The following MAP3K19 variants were observed in gnomAD, a reference collection of about 807,000 sequenced individuals.
MAP3K19 encodes the protein mitogen-activated protein kinase kinase kinase 19.
MAP3K19 carries 91 observed loss-of-function variants against 114.4 expected under a neutral mutation model. That is an observed-to-expected ratio of 0.80 (90% CI 0.67 to 0.95). The LOEUF (loss-of-function observed/expected upper bound fraction) is 0.95. Among genes scored for constraint, MAP3K19 ranks in the 40% least tolerant of loss-of-function variants. MAP3K19 has a pLI of 0.00. For synonymous variants in MAP3K19, 518 were observed against 530.5 expected (o/e 0.98, Z 0.32); for missense variants, 1,471 against 1,573.2 (o/e 0.94, Z 1.10).
At chr2:135,000,900 G>A (rs971392317) in intron 6 of MAP3K19, among the ~76,000 whole-genome samples, 2 of 152,150 alleles carry the variant, frequency 1.3e-5, no homozygotes, top group African/African-American at 4.8e-5. Flanking sequence ...AAGGAGTATC[G>A]CAGGGAGGAT....
At chr2:135,012,084 T>C (rs1412028545) in intron 5 of MAP3K19, among the ~76,000 whole-genome samples, 8 of 152,226 alleles carry the variant, frequency 5.3e-5, no homozygotes, top group Non-Finnish European at 8.8e-5. Context: ...TACTATATAA[T>C]ATTAGTAACC....
rs1482733324 is a variant in MAP3K19 at position 134,987,426 on chromosome 2, C to A, written c.1446G>T (p.Val482=). ...CAGGGAAGGTGATGTGGATAAGAGG[C>A]ACCATCCTACTCATTTCTGGTTTGG... ...ERAKPEMSRM[V]PLIHITFPVD... Residue 482 remains valine (V), a synonymous_variant, in exon 10 of 13, where the codon GTG becomes GTT. Coordinates refer to ENST00000392915, the MANE Select transcript of MAP3K19 (RefSeq NM_025052.5). 3.7e-6 allele frequency: 6 copies of A among 1,614,148 alleles called. No homozygotes were observed. Among genetic ancestry groups the A allele is most frequent in the Non-Finnish European group, 5.1e-6 (6 of 1,180,028 alleles).
Position 134,998,883 on chromosome 2 carries a change from CA to C in MAP3K19, c.428del (p.Leu143CysfsTer13). ...GCTCCCTGGAACTTTCCTCTTTTTG[CA>C]AAACTAAGGGCCGCATGGTCAGCTT... ...KKKLTMRPLV[L>X]QKEESSRELC... On this transcript the variant is annotated frameshift_variant, in exon 8 of 13. Coordinates refer to ENST00000392915, the MANE Select transcript of MAP3K19 (RefSeq NM_025052.5). LOFTEE classifies it high-confidence loss of function. The C allele has an allele frequency of 6.2e-7, 1 of 1,614,132 alleles. No homozygotes were observed. Among genetic ancestry groups the C allele is most frequent in the Non-Finnish European group, 8.5e-7 (1 of 1,180,022 alleles).
intron 2 of MAP3K19, among the ~76,000 whole-genome samples, chr2:135,031,799 C>T (rs1173565292): frequency 6.6e-6 from 1 of 152,180 alleles, no homozygotes; most frequent in Non-Finnish European, 1.5e-5. Context: ...ATTAACAAAA[C>T]ATAGCCATTT....
chr2:134,991,737 T>G (rs992019284), intron 8 of MAP3K19, among the ~76,000 whole-genome samples, 157 bp from the exon 9 acceptor site: 3 of 152,212 alleles, frequency 2.0e-5, no homozygotes, highest in Non-Finnish European at 4.4e-5. Flanking sequence ...AGAGGTGGAA[T>G]CATCACACAA....
At chr2:135,014,388 G>T (rs755967187) in intron 5 of MAP3K19, among the ~76,000 whole-genome samples, 3 of 151,892 alleles carry the variant, frequency 2.0e-5, no homozygotes, top group South Asian at 2.1e-4. Context: ...AAAAAAAAAG[G>T]CATGTTGTCC....
chr2:134,995,911 A>T (rs1048197301), intron 8 of MAP3K19, among the ~76,000 whole-genome samples: 1 of 152,100 alleles, frequency 6.6e-6, no homozygotes, highest in African/African-American at 2.4e-5. Context: ...ATTTAGCAAT[A>T]TGAAAGTACA....
At chr2:134,967,280 A>G (rs1192768810) in intron 12 of MAP3K19, among the ~76,000 whole-genome samples, 1 of 152,168 alleles carries the variant, frequency 6.6e-6, no homozygotes, top group African/African-American at 2.4e-5. Flanking sequence ...TCCCCATGTG[A>G]TAGTCTGAAA....
Position 135,021,775 on chromosome 2 carries a change from A to T in MAP3K19, c.78T>A (p.Thr26=). 1.9e-6 allele frequency: 3 copies of T among 1,612,956 alleles called. No homozygotes were observed. The highest frequency in any genetic ancestry group is 2.5e-6 in the Non-Finnish European group (3 of 1,179,656). ...GATTTTTGGTAACTGTCATCAAATC[A>T]GTTGGAGAAGAGTTTGTATCATGAC... ...DICHDTNSSP[T]DLMTVTKNQN... is the part of the protein sequence containing the mutation. The change falls in exon 5 of 13, where the codon ACT becomes ACA. Residue 26 remains threonine (T), a synonymous_variant. Coordinates refer to ENST00000392915, the MANE Select transcript of MAP3K19 (RefSeq NM_025052.5).
intron 8 of MAP3K19, among the ~76,000 whole-genome samples, chr2:134,994,624 T>C (rs1286901932): frequency 6.6e-6 from 1 of 152,190 alleles, no homozygotes; most frequent in East Asian, 1.9e-4. Flanking sequence ...TCTCATAACC[T>C]ACAGGCAGGT....
In MAP3K19 at chr2:135,037,250, G is replaced by A. The variant is rs370017190; in HGVS notation, c.-284+3113C>T. On this transcript the variant is annotated intron_variant, in intron 2 of 12. Coordinates refer to ENST00000392915, the MANE Select transcript of MAP3K19 (RefSeq NM_025052.5). ...TGACCTTAGGTGATCCACCTGCCTC[G>A]GCCTCCCAAAGTGCTGGGATTACAG... Among the ~76,000 whole-genome samples, 5 of 152,274 alleles carry A rather than the reference G, an allele frequency of 3.3e-5. No individual in the cohort carries two copies. The South Asian group carries it at 6.2e-4, about 19-fold the overall frequency.
chr2:135,006,734 C>T (rs541845226), intron 5 of MAP3K19, among the ~76,000 whole-genome samples: 36 of 151,820 alleles, frequency 2.4e-4, no homozygotes, highest in African/African-American at 8.2e-4. Flanking sequence ...GGCTTGAACC[C>T]GGGAGGTCAA....
At chr2:134,975,909 G>A (rs1229333902) in intron 12 of MAP3K19, among the ~76,000 whole-genome samples, 1 of 152,216 alleles carries the variant, frequency 6.6e-6, no homozygotes, top group Non-Finnish European at 1.5e-5. Context: ...GCTAGAAAGG[G>A]TGGGGTTGCT....
chr2:134,984,568 G>GT (rs1309797953), intron 10 of MAP3K19, among the ~76,000 whole-genome samples: 9 of 152,164 alleles, frequency 5.9e-5, no homozygotes, highest in Non-Finnish European at 1.2e-4. Context: ...CAGACTTGCA[G>GT]TAAGTCAGAC....
intron 5 of MAP3K19, among the ~76,000 whole-genome samples, chr2:135,015,749 C>T (rs113779288): frequency 0.046 from 6,964 of 151,812 alleles, 501 homozygotes; most frequent in African/African-American, 0.15. Context: ...AAAAATTAGC[C>T]GGGCATGGTG....
Position 134,965,290 on chromosome 2 carries a change from CA to C in MAP3K19, c.3921-375del, listed in dbSNP as rs149224769. Among the ~76,000 whole-genome samples the C allele has an allele frequency of 2.4e-3, 367 of 152,308 alleles. 1 individual carries two copies. The highest frequency in any genetic ancestry group is 8.3e-3 in the African/African-American group (346 of 41,558). ...TCTAATTTACGTATGGTAAAATTCA[CA>C]CTTACATTTACTTTTAAAATTCAGA... is the stretch of plus-strand genomic sequence containing the variant. On this transcript the variant is annotated intron_variant, in intron 12 of 12. Coordinates refer to ENST00000392915, the MANE Select transcript of MAP3K19 (RefSeq NM_025052.5).
intron 5 of MAP3K19, among the ~76,000 whole-genome samples, chr2:135,012,645 A>G (rs1305677079): frequency 6.6e-6 from 1 of 151,992 alleles, no homozygotes; most frequent in East Asian, 1.9e-4. Context: ...CCACTTCCAA[A>G]CTTTTAGCTG....
rs1683222491 is a variant in MAP3K19 at position 134,964,706 on chromosome 2, T to A, written c.*144A>T. On this transcript the variant is annotated 3_prime_UTR_variant, in exon 13 of 13. Coordinates refer to ENST00000392915, the MANE Select transcript of MAP3K19 (RefSeq NM_025052.5). ...AGGAGGCTAATATGTAACTGCAACT[T>A]TCAGTTAATGACTCCATAGGATCTG... The A allele has an allele frequency of 1.8e-6, 1 of 541,174 alleles. No homozygotes were observed. The highest frequency in any genetic ancestry group is 1.9e-5 in the African/African-American group (1 of 52,686). The allele number at this position is 541,174 out of a possible 1,614,324, so 33.5% of individuals were successfully genotyped here. A position where few individuals can be genotyped will look rare whatever the true frequency, so the allele number is the denominator to read the frequency against.
chr2:134,968,685 G>A (rs1309614118), intron 12 of MAP3K19, among the ~76,000 whole-genome samples: 3 of 151,694 alleles, frequency 2.0e-5, no homozygotes, highest in Admixed American at 2.0e-4. Context: ...TCGCGGCCGG[G>A]CAGAGGCGCT....
Sources: gnomAD v4.1 joint callset for allele counts (sites outside exome capture counted in the v4.1 genomes callset) on GRCh38, gnomAD v4.1.1 for gene constraint, MANE v1.5 for transcripts, NCBI Gene and HGNC (gene_info 2026-07-23, HGNC 2026-07-21) for gene names.